Variants in OR2AJ1 observed in about 807,000 individuals in gnomAD.
OR2AJ1 encodes the protein olfactory receptor 2AJ1.
For missense variants in OR2AJ1, 280 were observed against 163.2 expected, an observed-to-expected ratio of 1.72 and a Z score of -3.90; for synonymous variants, 105 against 60.3, an observed-to-expected ratio of 1.74 and a Z score of -3.44.
chr1:247,934,944 C>G lies in OR2AJ1; in HGVS notation c.*189C>G. On this transcript the variant is annotated 3_prime_UTR_variant, in exon 2 of 2. Transcript: ENST00000318244. ...ACCAATTATAATCATGCAACAGTTA[C>G]AGGAAGTAGAAGTTACCCAAGGCGT... The G allele has an allele frequency of 1.9e-6, 1 of 513,494 alleles. No homozygotes were observed. Among genetic ancestry groups the G allele is most frequent in the Non-Finnish European group, 3.4e-6 (1 of 294,066 alleles). The allele number at this position is 513,494 out of a possible 1,614,324, so 31.8% of individuals were successfully genotyped here. A position where few individuals can be genotyped will look rare whatever the true frequency, so the allele number is the denominator to read the frequency against.
chr1:247,934,315 G>C lies in OR2AJ1; in HGVS notation c.547G>C (p.Ala183Pro). 2 of 738,646 alleles carry C rather than the reference G, an allele frequency of 2.7e-6. No homozygotes were observed. Among genetic ancestry groups the C allele is most frequent in the Non-Finnish European group, 5.0e-6 (2 of 396,522 alleles). The allele number at this position is 738,646 out of a possible 1,614,324, so 45.8% of individuals were successfully genotyped here. ...AIDHFFCEVP[A>P]MLKLSCADTT... ...TGATCACTTCTTCTGTGAAGTCCCT[G>C]CCATGTTGAAGTTGTCCTGTGCAGA... Residue 183 changes from alanine (A) to proline (P), a missense_variant, in exon 2 of 2, where the codon GCC (alanine) becomes CCC (proline). Physicochemically the swap from Ala to Pro is conservative, Grantham distance 27. Coordinates refer to ENST00000318244, the MANE Select transcript of OR2AJ1 (RefSeq NM_001355235.2).
Position 247,933,869 on chromosome 1 carries a change from T to G in OR2AJ1, c.101T>G (p.Ile34Ser). The G allele has an allele frequency of 4.3e-6, 3 of 695,966 alleles. No homozygotes were observed. Among genetic ancestry groups the G allele is most frequent in the Admixed American group, 2.1e-5 (1 of 47,826 alleles). The allele number at this position is 695,966 out of a possible 1,614,324, so 43.1% of individuals were successfully genotyped here. The change falls in exon 2 of 2, where the codon ATT becomes AGT. Residue 34 changes from isoleucine to serine, a missense_variant. Ile to Ser is a moderately radical substitution (Grantham distance 142). Coordinates refer to ENST00000318244, the MANE Select transcript of OR2AJ1 (RefSeq NM_001355235.2). ...SVVFFLVLFV[I>S]FIMSVTENTL... ...GTCTTCTTCTTAGTTTTATTTGTCA[T>G]TTTCATTATGAGTGTAACAGAAAAT...
At chr1:247,927,552 T>A (rs1445802098) in intron 1 of OR2AJ1, among the ~76,000 whole-genome samples, 1 of 140,248 alleles carries the variant, frequency 7.1e-6, no homozygotes, top group Non-Finnish European at 1.6e-5. Context: ...TTCTAGCTAT[T>A]TGAAAAGATA....
chr1:247,930,302 T>C (rs1033661520), intron 1 of OR2AJ1, among the ~76,000 whole-genome samples: 6 of 152,218 alleles, frequency 3.9e-5, no homozygotes, highest in African/African-American at 1.4e-4. Context: ...TAAAGAAACA[T>C]GTTGTATGCT....
At chr1:247,925,727 ATTAAC>A (rs1178325394) in intron 1 of OR2AJ1, among the ~76,000 whole-genome samples, 20 of 152,172 alleles carry the variant, frequency 1.3e-4, no homozygotes, top group African/African-American at 4.6e-4. Context: ...GAGGCAGGGA[ATTAAC>A]TTAATTGTCA....
chr1:247,930,093 C>G (rs1660135893), intron 1 of OR2AJ1, among the ~76,000 whole-genome samples: 1 of 152,132 alleles, frequency 6.6e-6, no homozygotes, highest in Non-Finnish European at 1.5e-5. Context: ...CAGTCACTAA[C>G]TCATTAAGTC....
chr1:247,929,963 A>G (rs1660134799), intron 1 of OR2AJ1, among the ~76,000 whole-genome samples: 1 of 152,158 alleles, frequency 6.6e-6, no homozygotes, highest in South Asian at 2.1e-4. Context: ...TGTCTGCTCT[A>G]GATAAAGTAA....
chr1:247,928,960 C>T (rs1010103108), intron 1 of OR2AJ1, among the ~76,000 whole-genome samples: 3 of 151,970 alleles, frequency 2.0e-5, no homozygotes, highest in Non-Finnish European at 2.9e-5. Flanking sequence ...CGGGCGTGGT[C>T]GTGGGCGCCT....
chr1:247,926,912 C>T (rs548032225), intron 1 of OR2AJ1, among the ~76,000 whole-genome samples: 29 of 152,292 alleles, frequency 1.9e-4, no homozygotes, highest in Non-Finnish European at 3.5e-4. Flanking sequence ...TATTCTGCAG[C>T]GTTCTCAAGG....
Position 247,933,832 on chromosome 1 carries a change from CCAA to C in OR2AJ1, c.68_70del (p.Thr23del), listed in dbSNP as rs1475423590. ...ACTTTTGGGATTGTTCTCTTCTTCC[CCAA>C]CAAGTGTGGTCTTCTTCTTAGTTTT... On this transcript the variant is annotated inframe_deletion, in exon 2 of 2. Transcript: ENST00000318244. 1 of 651,904 alleles carries C rather than the reference CCAA, an allele frequency of 1.5e-6. No individual in the cohort carries two copies. The highest frequency in any genetic ancestry group is 2.7e-5 in the East Asian group (1 of 36,638). The allele number at this position is 651,904 out of a possible 1,614,324, so 40.4% of individuals were successfully genotyped here.
At chr1:247,929,525 G>A (rs1660129111) in intron 1 of OR2AJ1, among the ~76,000 whole-genome samples, 1 of 151,556 alleles carries the variant, frequency 6.6e-6, no homozygotes, top group Non-Finnish European at 1.5e-5. Context: ...TACTAATATA[G>A]TAATAATAGT....
chr1:247,927,319 A>G (rs749224736), intron 1 of OR2AJ1, among the ~76,000 whole-genome samples: 1 of 152,182 alleles, frequency 6.6e-6, no homozygotes, highest in Non-Finnish European at 1.5e-5. Flanking sequence ...ATTCAGTTCT[A>G]TCATCAGTAA....
intron 1 of OR2AJ1, among the ~76,000 whole-genome samples, chr1:247,926,551 C>A (rs1286843395): frequency 6.6e-6 from 1 of 152,082 alleles, no homozygotes; most frequent in Admixed American, 6.6e-5. Context: ...TTTTTGATCT[C>A]TAGGGGAAAT....
chr1:247,927,238 T>A (rs1370208260), intron 1 of OR2AJ1, among the ~76,000 whole-genome samples: 1 of 152,184 alleles, frequency 6.6e-6, no homozygotes, highest in Admixed American at 6.5e-5. Flanking sequence ...TCAGTTTTTT[T>A]CAATCACCTG....
intron 1 of OR2AJ1, among the ~76,000 whole-genome samples, chr1:247,932,526 A>G (rs1660165531): frequency 6.6e-6 from 1 of 152,208 alleles, no homozygotes; most frequent in Non-Finnish European, 1.5e-5. Flanking sequence ...ATTCACAAAA[A>G]TTAAAATAAT....
rs547772525 is a variant in OR2AJ1, at chr1:247,925,472, TG to T, written c.-23+308del. On this transcript the variant is annotated intron_variant, in intron 1 of 1. Coordinates refer to ENST00000318244, the MANE Select transcript of OR2AJ1 (RefSeq NM_001355235.2). Reference sequence around the variant, plus strand: ...AAGAAATTGAAGCCCTTAGAAGTGCTGGGGAAGAGTGTTTATGTGCAAGAAA... The same window carrying T: ...AAGAAATTGAAGCCCTTAGAAGTGCTGGGAAGAGTGTTTATGTGCAAGAAA... Among the ~76,000 whole-genome samples, 1,269 of 152,248 alleles carry T rather than the reference TG, an allele frequency of 8.3e-3. 12 individuals carry two copies. The highest frequency in any genetic ancestry group is 0.012 in the Non-Finnish European group (824 of 68,024).
intron 1 of OR2AJ1, among the ~76,000 whole-genome samples, chr1:247,929,599 GGT>G (rs1553341471): frequency 0.055 from 8,109 of 147,314 alleles, 678 homozygotes; most frequent in African/African-American, 0.18. Flanking sequence ...CCCTTCACTC[GGT>G]GTGTGTGTGT....
At chr1:247,933,225 A>G (rs1473826225) in intron 1 of OR2AJ1, among the ~76,000 whole-genome samples, 2 of 152,232 alleles carry the variant, frequency 1.3e-5, no homozygotes, top group Non-Finnish European at 2.9e-5. Context: ...GCAGTTGGTT[A>G]TACCAGTGAT....
intron 1 of OR2AJ1, among the ~76,000 whole-genome samples, chr1:247,933,098 A>G (rs895920342): frequency 5.9e-5 from 9 of 152,302 alleles, no homozygotes; most frequent in African/African-American, 2.2e-4. Context: ...TTTATTTTCT[A>G]TAAGTTTAAT....
Sources: gnomAD v4.1 joint callset for allele counts (sites outside exome capture counted in the v4.1 genomes callset) on GRCh38, gnomAD v4.1.1 for gene constraint, MANE v1.5 for transcripts, NCBI Gene and HGNC (gene_info 2026-07-23, HGNC 2026-07-21) for gene names.